The following FILIP1 variants were observed in gnomAD, a reference collection of about 807,000 sequenced individuals.
The protein encoded by FILIP1 is filamin-A-interacting protein 1.
Under a neutral mutation model 102.1 loss-of-function variants are expected in FILIP1, and 61 were observed. That is an observed-to-expected ratio of 0.60 (90% CI 0.49 to 0.74). The LOEUF (loss-of-function observed/expected upper bound fraction) is 0.74. Among genes scored for constraint, FILIP1 ranks in the 30% least tolerant of loss-of-function variants. FILIP1 has a pLI of 0.00. For synonymous variants in FILIP1, 491 were observed against 526.9 expected (o/e 0.93, Z 0.93); for missense variants, 1,314 against 1,441.2 (o/e 0.91, Z 1.43).
intron 4 of FILIP1, among the ~76,000 whole-genome samples, chr6:75,337,983 G>C (rs1215063859): frequency 6.6e-6 from 1 of 152,130 alleles, no homozygotes; most frequent in African/African-American, 2.4e-5. Flanking sequence ...AGGTAGTCTA[G>C]AGCATTCCTC....
chr6:75,312,638 T>C lies in FILIP1; in HGVS notation c.3194A>G (p.Asn1065Ser), dbSNP rs1236097642. The C allele has an allele frequency of 6.2e-7, 1 of 1,614,210 alleles. No homozygotes were observed. The highest frequency in any genetic ancestry group is 8.5e-7 in the Non-Finnish European group (1 of 1,180,026). ...SNANIITTED[N>S]KIHIHLGSQF... ...AGACCCTAAGTGAATGTGAATTTTATTGTCCTCTGTGGTTATGATATTGGC... is the reference window on the plus strand; with the variant it reads ...AGACCCTAAGTGAATGTGAATTTTACTGTCCTCTGTGGTTATGATATTGGC... The change falls in exon 5 of 6, where the codon AAT becomes AGT. Residue 1065 changes from asparagine to serine, a missense_variant. Asn to Ser is a conservative substitution (Grantham distance 46). Around this residue, in one of 3 missense-constraint regions of FILIP1, gnomAD observed 816 missense variants for 913.1 expected, o/e 0.89. Coordinates refer to ENST00000237172, the MANE Select transcript of FILIP1 (RefSeq NM_015687.5).
At chr6:75,373,986 A>G (rs1165578961) in intron 2 of FILIP1, among the ~76,000 whole-genome samples, 7 of 152,228 alleles carry the variant, frequency 4.6e-5, no homozygotes, top group Non-Finnish European at 7.3e-5. Context: ...CTGAAACCCC[A>G]TCTCAAAACA....
chr6:75,396,738 C>T (rs1340828915), intron 2 of FILIP1, among the ~76,000 whole-genome samples: 1 of 152,006 alleles, frequency 6.6e-6, no homozygotes, highest in Non-Finnish European at 1.5e-5. Context: ...GTCTCTTAAA[C>T]AATTAGTTCT....
At chr6:75,447,429 G>C (rs6908400) in intron 1 of FILIP1, among the ~76,000 whole-genome samples, 8,496 of 152,090 alleles carry the variant, frequency 0.056, 588 homozygotes, top group African/African-American at 0.16. Flanking sequence ...ATGAGGTCAA[G>C]GTATCCTAAA....
intron 2 of FILIP1, among the ~76,000 whole-genome samples, chr6:75,405,883 C>A (rs1371253683): frequency 6.6e-6 from 1 of 152,122 alleles, no homozygotes; most frequent in Non-Finnish European, 1.5e-5. Context: ...AAAAAGCTTG[C>A]TTTACAAGGA....
At chr6:75,338,677 T>C (rs1774321785) in intron 4 of FILIP1, among the ~76,000 whole-genome samples, 1 of 152,262 alleles carries the variant, frequency 6.6e-6, no homozygotes, top group Non-Finnish European at 1.5e-5. Context: ...CAATATTTAC[T>C]TGTTATTTAT....
chr6:75,456,565 CTTTT>C (rs145044469), intron 1 of FILIP1, among the ~76,000 whole-genome samples: 1 of 141,642 alleles, frequency 7.1e-6, no homozygotes, highest in African/African-American at 2.6e-5. Context: ...TTTTTCTTTT[CTTTT>C]TTTTTTTTTT....
intron 2 of FILIP1, among the ~76,000 whole-genome samples, chr6:75,365,453 C>T (rs557198025): frequency 1.3e-5 from 2 of 152,268 alleles, no homozygotes; most frequent in East Asian, 3.9e-4. Context: ...TCACTGCAAC[C>T]TCCACCTCCC....
chr6:75,309,970 T>C lies in FILIP1; in HGVS notation c.3436-1073A>G, dbSNP rs543484606. Reference sequence around the variant, plus strand: ...AAACATAAACAGTATGTTTTTCTCATGATCATCACCCTTTCAGTGGCTCCC... The same window carrying C: ...AAACATAAACAGTATGTTTTTCTCACGATCATCACCCTTTCAGTGGCTCCC... On this transcript the variant is annotated intron_variant, in intron 5 of 5. Coordinates refer to ENST00000237172, the MANE Select transcript of FILIP1 (RefSeq NM_015687.5). 4.6e-5 allele frequency among the ~76,000 whole-genome samples: 7 copies of C among 152,366 alleles called. No individual in the cohort carries two copies. In the South Asian group the frequency reaches 1.4e-3, roughly 32 times the overall value.
At chr6:75,366,786 T>G (rs1775353902) in intron 2 of FILIP1, among the ~76,000 whole-genome samples, 1 of 152,200 alleles carries the variant, frequency 6.6e-6, no homozygotes, top group African/African-American at 2.4e-5. Flanking sequence ...AAACTGATAT[T>G]GTTAAAACTG....
chr6:75,472,457 C>T (rs1454750319), intron 1 of FILIP1, among the ~76,000 whole-genome samples: 1 of 151,882 alleles, frequency 6.6e-6, no homozygotes, highest in Non-Finnish European at 1.5e-5. Context: ...AAGAATTATC[C>T]ATTTTTTAAA....
intron 1 of FILIP1, among the ~76,000 whole-genome samples, chr6:75,419,825 T>A (rs1239915748): frequency 1.3e-5 from 2 of 152,186 alleles, no homozygotes; most frequent in Non-Finnish European, 2.9e-5. Context: ...ATATCCCAAC[T>A]CACGAAATGT....
chr6:75,467,249 G>A (rs1779195618), intron 1 of FILIP1, among the ~76,000 whole-genome samples: 1 of 152,162 alleles, frequency 6.6e-6, no homozygotes, highest in Non-Finnish European at 1.5e-5. Context: ...TATAATTGAT[G>A]TAGAAGGAAC....
At chr6:75,334,931 C>G (rs969815559) in intron 4 of FILIP1, 2 of 152,002 alleles carry the variant, frequency 1.3e-5, no homozygotes, top group African/African-American at 4.8e-5. Context: ...GAAGGCAGCT[C>G]TTAAGAAGCA....
At chr6:75,406,385 C>T (rs1295680159) in intron 2 of FILIP1, among the ~76,000 whole-genome samples, 2 of 152,170 alleles carry the variant, frequency 1.3e-5, no homozygotes, top group African/African-American at 4.8e-5. Flanking sequence ...CAAAACCCAC[C>T]AATTCTTCAA....
intron 1 of FILIP1, among the ~76,000 whole-genome samples, chr6:75,473,047 G>C (rs1019905433): frequency 6.6e-6 from 1 of 152,150 alleles, no homozygotes; most frequent in African/African-American, 2.4e-5. Context: ...GGAAGACTGT[G>C]GGTATGGTAG....
chr6:75,447,274 A>C (rs1029534346), intron 1 of FILIP1, among the ~76,000 whole-genome samples: 3 of 152,154 alleles, frequency 2.0e-5, no homozygotes, highest in African/African-American at 7.2e-5. Context: ...TTTCCCCTGC[A>C]AGAAACACTG....
intron 1 of FILIP1, among the ~76,000 whole-genome samples, chr6:75,470,898 C>T (rs776909259): frequency 3.9e-5 from 6 of 151,970 alleles, no homozygotes; most frequent in Non-Finnish European, 8.8e-5. Flanking sequence ...AGGTGGCTCA[C>T]GTCTGTAATC....
intron 1 of FILIP1, among the ~76,000 whole-genome samples, chr6:75,461,953 G>A (rs1040540257): frequency 7.9e-5 from 12 of 152,184 alleles, no homozygotes; most frequent in African/African-American, 2.7e-4. Flanking sequence ...CACTTGAAAA[G>A]TGAGGCATGA....
Sources: allele counts gnomAD v4.1 joint callset (sites outside exome capture counted in the v4.1 genomes callset), GRCh38; gene constraint gnomAD v4.1.1; regional missense constraint gnomAD v4.1.1; transcripts MANE v1.5; gene names NCBI Gene and HGNC (gene_info 2026-07-23, HGNC 2026-07-21).